Variants in ZNF853 observed in about 807,000 individuals in gnomAD.
The protein encoded by ZNF853 is zinc finger protein 853.
In ZNF853, 57 loss-of-function variants were observed where a neutral mutation model predicts 94.7. The ratio of observed to expected loss-of-function variants is 0.60; its 90% confidence interval spans 0.49 to 0.75. The LOEUF (loss-of-function observed/expected upper bound fraction) is 0.75, where lower values mean the gene tolerates loss of function less well. Ranked by LOEUF, ZNF853 falls within the 30% of genes least tolerant of loss-of-function variation. ZNF853 has a pLI of 0.00. For missense variants in ZNF853, 785 were observed against 868.9 expected, an observed-to-expected ratio of 0.90 and a Z score of 1.21; for synonymous variants, 448 against 406.3, an observed-to-expected ratio of 1.10 and a Z score of -1.23.
In ZNF853 at chr7:6,621,196, GT is replaced by G; in HGVS notation, c.206del (p.Val69AlafsTer26). On this transcript the variant is annotated frameshift_variant, in exon 3 of 3. Coordinates refer to ENST00000457543, the MANE Select transcript of ZNF853 (RefSeq NM_017560.3). LOFTEE classifies it high-confidence loss of function. ...GAACAGCAGTCCACAGCGGCCAGCA[GT>G]CTCGGCCCCAGTGGGGGCCAGTGAA... is the stretch of plus-strand genomic sequence containing the variant. ...ERNSSPQRPA[V>X]SAPVGASEIA... is the part of the protein sequence containing the mutation. 1 of 1,521,656 alleles carries G rather than the reference GT, an allele frequency of 6.6e-7. No homozygotes were observed. The highest frequency in any genetic ancestry group is 2.5e-5 in the East Asian group (1 of 40,740). 94.3% of individuals were successfully genotyped at this position (1,521,656 alleles called of 1,614,324 possible). A position where few individuals can be genotyped will look rare whatever the true frequency, so the allele number is the denominator to read the frequency against.
Position 6,621,380 on chromosome 7 carries a change from T to A in ZNF853, c.389T>A (p.Leu130Gln). The A allele has an allele frequency of 6.4e-7, 1 of 1,551,640 alleles. No homozygotes were observed. The highest frequency in any genetic ancestry group is 2.4e-5 in the East Asian group (1 of 40,916). ...QQPQQDGQQQ[L>Q]SQLQQEKHQS... is the part of the protein sequence containing the mutation. ...CCGCAGCAAGATGGGCAACAACAGCTATCTCAACTACAACAGGAAAAACAC... is the reference window on the plus strand; with the variant it reads ...CCGCAGCAAGATGGGCAACAACAGCAATCTCAACTACAACAGGAAAAACAC... Residue 130 changes from leucine to glutamine, a missense_variant, in exon 3 of 3, where the codon CTA (leucine) becomes CAA (glutamine). Leu to Gln is a moderately radical substitution (Grantham distance 113). Coordinates refer to ENST00000457543, the MANE Select transcript of ZNF853 (RefSeq NM_017560.3).
Position 6,622,218 on chromosome 7 carries a change from G to C in ZNF853, c.1227G>C (p.Pro409=), listed in dbSNP as rs1180408653. 8 of 1,534,338 alleles carry C rather than the reference G, an allele frequency of 5.2e-6. No individual in the cohort carries two copies. In the East Asian group the frequency reaches 2.0e-4, roughly 38 times the overall value. The change falls in exon 3 of 3, where the codon CCG becomes CCC. Residue 409 remains proline (P), a synonymous_variant. Coordinates refer to ENST00000457543, the MANE Select transcript of ZNF853 (RefSeq NM_017560.3). ...EVQLELTPVQ[P]ELQLELVPAA... is the part of the protein sequence containing the mutation. ...AGCTGGAGCTGACCCCCGTGCAGCC[G>C]GAGCTGCAGCTGGAACTGGTGCCAG...
chr7:6,621,746 A>G lies in ZNF853; in HGVS notation c.755A>G (p.Gln252Arg). 1 of 1,550,812 alleles carries G rather than the reference A, an allele frequency of 6.4e-7. No homozygotes were observed. The highest frequency in any genetic ancestry group is 1.2e-5 in the South Asian group (1 of 84,020). Reference protein sequence around the residue: ...LLLQQQGQLQQQLLQQQQAQL... With the variant: ...LLLQQQGQLQRQLLQQQQAQL... ...CTGCAGCAGCAGGGACAGTTACAGC[A>G]GCAACTGTTGCAGCAGCAGCAGGCA... Residue 252 changes from glutamine to arginine, a missense_variant, in exon 3 of 3, where the codon CAG (glutamine) becomes CGG (arginine). By Grantham distance (43) the Gln-to-Arg change is conservative. Transcript: ENST00000457543.
Position 6,616,154 on chromosome 7 carries a change from G to A in ZNF853, c.-21G>A. 4 of 1,547,576 alleles carry A rather than the reference G, an allele frequency of 2.6e-6. No homozygotes were observed. The highest frequency in any genetic ancestry group is 3.5e-6 in the Non-Finnish European group (4 of 1,144,812). ...CTGCTGACCACACCTCCCTAGCGCAGAGGCTGCCCGGGAGCAGGAAATGCT... is the reference window on the plus strand; with the variant it reads ...CTGCTGACCACACCTCCCTAGCGCAAAGGCTGCCCGGGAGCAGGAAATGCT... On this transcript the variant is annotated 5_prime_UTR_variant, in exon 1 of 3. Coordinates refer to ENST00000457543, the MANE Select transcript of ZNF853 (RefSeq NM_017560.3).
In ZNF853 at chr7:6,621,376, C is replaced by CT; in HGVS notation, c.385_386insT (p.Gln129LeufsTer382). 6.4e-7 allele frequency: 1 copy of CT among 1,551,760 alleles called. No individual in the cohort carries two copies. Among genetic ancestry groups the CT allele is most frequent in the Non-Finnish European group, 8.7e-7 (1 of 1,147,010 alleles). On this transcript the variant is annotated frameshift_variant, in exon 3 of 3. Transcript: ENST00000457543. LOFTEE classifies it high-confidence loss of function. ...GCAGCCGCAGCAAGATGGGCAACAACAGCTATCTCAACTACAACAGGAAAA... is the reference window on the plus strand; with the variant it reads ...GCAGCCGCAGCAAGATGGGCAACAACTAGCTATCTCAACTACAACAGGAAAA...
chr7:6,616,432 GC>G, intron 1 of ZNF853, among the ~76,000 whole-genome samples: 1 of 152,182 alleles, frequency 6.6e-6, no homozygotes, highest in Non-Finnish European at 1.5e-5. Flanking sequence ...CTCAGAGCAG[GC>G]CAGGAAGGCA....
chr7:6,617,664 T>C, intron 2 of ZNF853: 1 of 985,242 alleles, frequency 1.0e-6, no homozygotes, highest in Non-Finnish European at 1.2e-6. Flanking sequence ...CCGATTCAGG[T>C]ACTAATAGGC....
chr7:6,620,984 C>G, intron 2 of ZNF853, 138 bp from the exon 3 acceptor site: 1 of 1,121,002 alleles, frequency 8.9e-7, no homozygotes, highest in Non-Finnish European at 1.2e-6. Flanking sequence ...TATTGTTACT[C>G]GATCCAGCAC....
chr7:6,622,506 C>T lies in ZNF853; in HGVS notation c.1515C>T (p.Ala505=). The part of the protein sequence containing the change: ...SRSTDLVRHQ[A]THTGERPHRC... ...GCACGGACCTGGTGCGCCACCAGGCCACGCACACGGGTGAGCGGCCACACC... is the reference window on the plus strand; with the variant it reads ...GCACGGACCTGGTGCGCCACCAGGCTACGCACACGGGTGAGCGGCCACACC... Residue 505 remains alanine, a synonymous_variant, in exon 3 of 3, where the codon GCC becomes GCT. Coordinates refer to ENST00000457543, the MANE Select transcript of ZNF853 (RefSeq NM_017560.3). 2 of 1,545,750 alleles carry T rather than the reference C, an allele frequency of 1.3e-6. No homozygotes were observed. The highest frequency in any genetic ancestry group is 8.7e-7 in the Non-Finnish European group (1 of 1,145,534).
In ZNF853 at chr7:6,621,479, A is replaced by C. The variant is rs1782603378; in HGVS notation, c.488A>C (p.Gln163Pro). The C allele has an allele frequency of 6.4e-7, 1 of 1,551,706 alleles. No individual in the cohort carries two copies. Residue 163 changes from glutamine (Q) to proline (P), a missense_variant, in exon 3 of 3, where the codon CAA becomes CCA. By Grantham distance (76) the Gln-to-Pro change is moderately conservative. Transcript: ENST00000457543. ...CAGCAGCAACAGTTACAGCCACAGCAAGTGCAAGAGCAACAGCGGTTGCAG... is the reference window on the plus strand; with the variant it reads ...CAGCAGCAACAGTTACAGCCACAGCCAGTGCAAGAGCAACAGCGGTTGCAG... ...MHQQQQLQPQQVQEQQRLQQQ... is the reference protein window; with the variant it reads ...MHQQQQLQPQPVQEQQRLQQQ...
intron 1 of ZNF853, among the ~76,000 whole-genome samples, chr7:6,616,608 A>C: frequency 6.6e-6 from 1 of 151,960 alleles, no homozygotes; most frequent in East Asian, 1.9e-4. Context: ...GATGGCACGC[A>C]CCTGTAGCCC....
Position 6,622,627 on chromosome 7 carries a change from T to G in ZNF853, c.1636T>G (p.Cys546Gly). 6.3e-7 allele frequency: 1 copy of G among 1,582,638 alleles called. No individual in the cohort carries two copies. Among genetic ancestry groups the G allele is most frequent in the South Asian group, 1.1e-5 (1 of 87,460 alleles). Reference protein sequence around the residue: ...TGEKPYACSYCAKRFSESSAL... With the variant: ...TGEKPYACSYGAKRFSESSAL... ...CGAGAAACCCTACGCCTGCTCCTACTGCGCCAAGCGCTTCAGCGAGAGCTC... is the reference window on the plus strand; with the variant it reads ...CGAGAAACCCTACGCCTGCTCCTACGGCGCCAAGCGCTTCAGCGAGAGCTC... The change falls in exon 3 of 3, where the codon TGC (cysteine) becomes GGC (glycine). Residue 546 changes from cysteine (C) to glycine (G), a missense_variant. Cys to Gly is a radical substitution (Grantham distance 159). Transcript: ENST00000457543.
intron 2 of ZNF853, among the ~76,000 whole-genome samples, chr7:6,620,218 C>T: frequency 6.6e-6 from 1 of 152,182 alleles, no homozygotes; most frequent in East Asian, 1.9e-4. Context: ...CTCTCTGACA[C>T]TTTGGTGATT....
chr7:6,622,494 G>A lies in ZNF853; in HGVS notation c.1503G>A (p.Val501=). ...GKGFSRSTDL[V]RHQATHTGER... ...GCTTCAGCCGCAGCACGGACCTGGTGCGCCACCAGGCCACGCACACGGGTG... is the reference window on the plus strand; with the variant it reads ...GCTTCAGCCGCAGCACGGACCTGGTACGCCACCAGGCCACGCACACGGGTG... The change falls in exon 3 of 3, where the codon GTG becomes GTA. Residue 501 remains valine, a synonymous_variant. Transcript: ENST00000457543. 1 of 1,542,572 alleles carries A rather than the reference G, an allele frequency of 6.5e-7. No individual in the cohort carries two copies.
chr7:6,621,332 C>A lies in ZNF853; in HGVS notation c.341C>A (p.Pro114Gln), dbSNP rs1782596433. The A allele has an allele frequency of 6.4e-7, 1 of 1,551,510 alleles. No individual in the cohort carries two copies. The highest frequency in any genetic ancestry group is 1.2e-5 in the South Asian group (1 of 84,064). The change falls in exon 3 of 3, where the codon CCA (proline) becomes CAA (glutamine). Residue 114 changes from proline to glutamine, a missense_variant. Transcript: ENST00000457543. ...PQHEQLQQPQPHLELQQQPQQ... is the reference protein window; with the variant it reads ...PQHEQLQQPQQHLELQQQPQQ... ...CACGAGCAGCTGCAACAGCCGCAGC[C>A]ACACCTAGAACTGCAACAGCAGCCG... is the stretch of plus-strand genomic sequence containing the variant.
chr7:6,619,188 T>C, intron 2 of ZNF853, among the ~76,000 whole-genome samples: 8 of 151,780 alleles, frequency 5.3e-5, no homozygotes, highest in Non-Finnish European at 1.0e-4. Flanking sequence ...TATAGGTGCC[T>C]GCCACCATGC....
At chr7:6,621,008 C>A in intron 2 of ZNF853, 114 bp from the exon 3 acceptor site, 2 of 1,331,032 alleles carry the variant, frequency 1.5e-6, no homozygotes, top group South Asian at 1.7e-5. Flanking sequence ...CGGGCTCCTG[C>A]TAAGAGCGTG....
At chr7:6,617,882 C>G in intron 2 of ZNF853, among the ~76,000 whole-genome samples, 1 of 152,102 alleles carries the variant, frequency 6.6e-6, no homozygotes, top group South Asian at 2.1e-4. Context: ...TGGCCACACT[C>G]ATGAGAGCCA....
chr7:6,617,122 C>T, intron 1 of ZNF853, 68 bp from the exon 2 acceptor site: 1 of 1,284,650 alleles, frequency 7.8e-7, no homozygotes, highest in Non-Finnish European at 1.1e-6. Flanking sequence ...CCTTTGGGGG[C>T]CTGTGGGCAC....
Sources: gnomAD v4.1 joint callset for allele counts (sites outside exome capture counted in the v4.1 genomes callset) on GRCh38, gnomAD v4.1.1 for gene constraint, MANE v1.5 for transcripts, NCBI Gene and HGNC (gene_info 2026-07-23, HGNC 2026-07-21) for gene names.